ZNF462: variants seen among roughly 807,000 people sequenced by gnomAD.
ZNF462 encodes the protein zinc finger protein 462.
In ZNF462, 10 loss-of-function variants were observed where a neutral mutation model predicts 201.9. The ratio of observed to expected loss-of-function variants is 0.05; its 90% CI spans 0.03 to 0.08. The LOEUF (loss-of-function observed/expected upper bound fraction) is 0.08. ZNF462 is among the 10% of genes least tolerant of loss of function. The pLI is 1.00. For synonymous variants in ZNF462, 1,227 were observed against 1,193.3 expected, an observed-to-expected ratio of 1.03 and a Z score of -0.58; for missense variants, 2,523 against 3,168.3, an observed-to-expected ratio of 0.80 and a Z score of 4.89.
In ZNF462 at chr9:107,011,107, G is replaced by A. The variant is rs1829905911; in HGVS notation, c.*77G>A. ...GGGAGGGCTGGCTTGGGCTGAGAAGGGAGGGACAGAAAAGAGAAGACAGAA... is the reference window on the plus strand; with the variant it reads ...GGGAGGGCTGGCTTGGGCTGAGAAGAGAGGGACAGAAAAGAGAAGACAGAA... On this transcript the variant is annotated 3_prime_UTR_variant, in exon 13 of 13. Coordinates refer to ENST00000277225, the MANE Select transcript of ZNF462 (RefSeq NM_021224.6). The surrounding 1 kb of genome is among the most constrained non-coding windows in gnomAD (Gnocchi z 5.6). The A allele has an allele frequency of 1.4e-6, 2 of 1,452,222 alleles. No individual in the cohort carries two copies. Among genetic ancestry groups the A allele is most frequent in the Admixed American group, 1.8e-5 (1 of 56,186 alleles). The allele number at this position is 1,452,222 out of a possible 1,614,324, so 90.0% of individuals were successfully genotyped here. A position where few individuals can be genotyped will look rare whatever the true frequency, so the allele number is the denominator to read the frequency against.
chr9:106,924,867 A>C lies in ZNF462; in HGVS notation c.955A>C (p.Asn319His). The C allele has an allele frequency of 1.2e-6, 2 of 1,614,198 alleles. No individual in the cohort carries two copies. The highest frequency in any genetic ancestry group is 1.7e-6 in the Non-Finnish European group (2 of 1,180,028). The change falls in exon 3 of 13, where the codon AAC (asparagine) becomes CAC (histidine). Residue 319 changes from asparagine (N) to histidine (H), a missense_variant. Coordinates refer to ENST00000277225, the MANE Select transcript of ZNF462 (RefSeq NM_021224.6). The surrounding 1 kb of genome is among the most constrained non-coding windows in gnomAD (Gnocchi z 6.2). ...SREIPNTTVS[N>H]FRGSMGNSIM... ...GGAGATACCCAATACTACCGTCTCC[A>C]ACTTCAGGGGCTCCATGGGCAACTC... is the stretch of plus-strand genomic sequence containing the variant.
At position 106,989,613 on chromosome 9, in the gene ZNF462, C is replaced by T. The variant is rs536197782; in HGVS notation, c.7056+5204C>T. On this transcript the variant is annotated intron_variant, in intron 10 of 12. Transcript: ENST00000277225. ...TTGTGGGATAGTGTCAAAAGTAATG[C>T]TACCAATCCTTTGAGTACCAATTCT... Among the ~76,000 whole-genome samples, 3 of 152,002 alleles carry T rather than the reference C, an allele frequency of 2.0e-5. No individual in the cohort carries two copies. The East Asian group carries it at 5.8e-4, about 29-fold the overall frequency.
chr9:107,009,290 A>T lies in ZNF462; in HGVS notation c.7190-255A>T. On this transcript the variant is annotated intron_variant, in intron 11 of 12. Transcript: ENST00000277225. This position sits in a 1 kb window ranked among gnomAD's most constrained non-coding sequence, Gnocchi z 6.1. Reference sequence around the variant, plus strand: ...GCGGCTCTTCAGTCAAGAAAGACCCAGATTTTGTGATAGAAGCATTGGGGA... The same window carrying T: ...GCGGCTCTTCAGTCAAGAAAGACCCTGATTTTGTGATAGAAGCATTGGGGA... 2.2e-6 allele frequency: 1 copy of T among 448,286 alleles called. No homozygotes were observed. The highest frequency in any genetic ancestry group is 4.0e-6 in the Non-Finnish European group (1 of 252,334). The allele number at this position is 448,286 out of a possible 1,614,324, so 27.8% of individuals were successfully genotyped here.
rs1826695513 is a variant in ZNF462 at position 106,972,777 on chromosome 9, C to CT, written c.6695+505_6695+506insT. On this transcript the variant is annotated intron_variant, in intron 8 of 12. Transcript: ENST00000277225. The surrounding 1 kb of genome is among the most constrained non-coding windows in gnomAD (Gnocchi z 4.8). ...ACTTCCAACACTACACTTGAGCAAT[C>CT]ATAGGGAGATTGCTCCAGTCTAGAA... is the stretch of plus-strand genomic sequence containing the variant. Among the ~76,000 whole-genome samples the CT allele has an allele frequency of 6.6e-6, 1 of 152,148 alleles. No individual in the cohort carries two copies. Among genetic ancestry groups the CT allele is most frequent in the Non-Finnish European group, 1.5e-5 (1 of 68,034 alleles).
Position 106,930,567 on chromosome 9 carries a change from A to G in ZNF462, c.5890A>G (p.Lys1964Glu). Residue 1964 changes from lysine to glutamate, a missense_variant, in exon 4 of 13, where the codon AAA becomes GAA. Coordinates refer to ENST00000277225, the MANE Select transcript of ZNF462 (RefSeq NM_021224.6). This position sits in a 1 kb window ranked among gnomAD's most constrained non-coding sequence, Gnocchi z 5.8. ...LEEVPKIKER[K>E]VVGYKCKFCV... ...AGAGGTGCCAAAGATCAAGGAGAGG[A>G]AAGTGGTGGGCTACAAATGTAAATT... 6.2e-7 allele frequency: 1 copy of G among 1,614,098 alleles called. No individual in the cohort carries two copies. Among genetic ancestry groups the G allele is most frequent in the Non-Finnish European group, 8.5e-7 (1 of 1,180,016 alleles).
intron 1 of ZNF462, among the ~76,000 whole-genome samples, chr9:106,887,158 T>G (rs1828356396): frequency 6.6e-6 from 1 of 152,254 alleles, no homozygotes; most frequent in Admixed American, 6.5e-5. Context: ...TGAGTAGCAG[T>G]TTGAACGAAT....
In ZNF462 at chr9:106,974,486, G is replaced by C. The variant is rs1230447264; in HGVS notation, c.6832+213G>C. 1 of 671,564 alleles carries C rather than the reference G, an allele frequency of 1.5e-6. No homozygotes were observed. Among genetic ancestry groups the C allele is most frequent in the Middle Eastern group, 4.2e-4 (1 of 2,394 alleles). The allele number at this position is 671,564 out of a possible 1,614,324, so 41.6% of individuals were successfully genotyped here. On this transcript the variant is annotated intron_variant, in intron 9 of 12. Coordinates refer to ENST00000277225, the MANE Select transcript of ZNF462 (RefSeq NM_021224.6). This position sits in a 1 kb window ranked among gnomAD's most constrained non-coding sequence, Gnocchi z 4.0. ...TTTCCTCCACCTGGAGGGAGGCAAA[G>C]GTGATGGATTCTGCAGTGAACATTT...
Position 107,009,729 on chromosome 9 carries a change from G to T in ZNF462, c.7313+61G>T. 2 of 1,497,680 alleles carry T rather than the reference G, an allele frequency of 1.3e-6. No individual in the cohort carries two copies. Among genetic ancestry groups the T allele is most frequent in the East Asian group, 2.3e-5 (1 of 43,230 alleles). 92.8% of individuals were successfully genotyped at this position (1,497,680 alleles called of 1,614,324 possible). A position where few individuals can be genotyped will look rare whatever the true frequency, so the allele number is the denominator to read the frequency against. On this transcript the variant is annotated intron_variant, in intron 12 of 12. Coordinates refer to ENST00000277225, the MANE Select transcript of ZNF462 (RefSeq NM_021224.6). This position sits in a 1 kb window ranked among gnomAD's most constrained non-coding sequence, Gnocchi z 6.1. ...AGCAAGAGGTAGGGAGGGAGGGAGG[G>T]GCTCTTGTTTTGGTTCCCCTGACAG...
Position 106,938,897 on chromosome 9 carries a change from T to C in ZNF462, c.6236-19T>C. 6.3e-7 allele frequency: 1 copy of C among 1,585,544 alleles called. No homozygotes were observed. The highest frequency in any genetic ancestry group is 8.6e-7 in the Non-Finnish European group (1 of 1,165,412). On this transcript the variant is annotated intron_variant, in intron 6 of 12. Transcript: ENST00000277225. The surrounding 1 kb of genome is among the most constrained non-coding windows in gnomAD (Gnocchi z 4.4). ...CCCCTCTTTTTCCTGTTCTATTTCT[T>C]GTCACCATCCTCTTCCAGGTGAGCA...
chr9:107,001,804 T>C (rs559426018), intron 10 of ZNF462, among the ~76,000 whole-genome samples: 24 of 152,250 alleles, frequency 1.6e-4, no homozygotes, highest in African/African-American at 5.8e-4. Flanking sequence ...GCGTTGGCAT[T>C]GTTGTCTGCG....
rs1827822284 is a variant in ZNF462, at chr9:106,876,131, GCTGAA to G, written c.-31+12777_-31+12781del. On this transcript the variant is annotated intron_variant, in intron 1 of 12. Transcript: ENST00000277225. This position sits in a 1 kb window ranked among gnomAD's most constrained non-coding sequence, Gnocchi z 4.9. ...ACTCTTTGGGGCCACACAAGCTGAG[GCTGAA>G]ATTTGTCTCTGTCCATTACTAGCTG... 6.6e-6 allele frequency among the ~76,000 whole-genome samples: 1 copy of G among 152,178 alleles called. No individual in the cohort carries two copies. The highest frequency in any genetic ancestry group is 2.1e-4 in the South Asian group (1 of 4,834).
intron 1 of ZNF462, among the ~76,000 whole-genome samples, chr9:106,911,499 C>T (rs1027230880): frequency 1.3e-5 from 2 of 152,162 alleles, no homozygotes; most frequent in Non-Finnish European, 2.9e-5. Context: ...ATTACTGGAC[C>T]TCAACACCAG....
Position 106,938,825 on chromosome 9 carries a change from T to G in ZNF462, c.6236-91T>G. The G allele has an allele frequency of 5.3e-6, 7 of 1,320,748 alleles. No homozygotes were observed. The highest frequency in any genetic ancestry group is 7.2e-6 in the Non-Finnish European group (7 of 969,480). The allele number at this position is 1,320,748 out of a possible 1,614,324, so 81.8% of individuals were successfully genotyped here. On this transcript the variant is annotated intron_variant, in intron 6 of 12. Coordinates refer to ENST00000277225, the MANE Select transcript of ZNF462 (RefSeq NM_021224.6). This position sits in a 1 kb window ranked among gnomAD's most constrained non-coding sequence, Gnocchi z 4.4. ...AAGCTTGAGATGCGCTTCTCTAGCA[T>G]GAGTTAACTGAGTTATCTTGTTTCC...
intron 1 of ZNF462, among the ~76,000 whole-genome samples, chr9:106,906,606 G>GA (rs1162162996): frequency 3.3e-5 from 5 of 152,014 alleles, no homozygotes. Flanking sequence ...AGACAGGGTG[G>GA]AAAAAAAGAA....
chr9:106,941,776 C>A (rs1367901849), intron 7 of ZNF462, among the ~76,000 whole-genome samples: 4 of 152,194 alleles, frequency 2.6e-5, no homozygotes, highest in Non-Finnish European at 1.5e-5. Context: ...TTTCTTGAAT[C>A]CTTACTATAG....
Position 106,865,053 on chromosome 9 carries a change from C to T in ZNF462, c.-31+1698C>T, listed in dbSNP as rs1827271861. Among the ~76,000 whole-genome samples the T allele has an allele frequency of 6.6e-6, 1 of 152,140 alleles. No homozygotes were observed. Among genetic ancestry groups the T allele is most frequent in the Non-Finnish European group, 1.5e-5 (1 of 68,018 alleles). On this transcript the variant is annotated intron_variant, in intron 1 of 12. Coordinates refer to ENST00000277225, the MANE Select transcript of ZNF462 (RefSeq NM_021224.6). The surrounding 1 kb of genome is among the most constrained non-coding windows in gnomAD (Gnocchi z 4.1). The stretch of plus-strand genomic sequence containing the variant: ...AGGCTTGCTTGCCTACTCCTTCTCT[C>T]TTTCCAGAGGGAAACCTTGTGGTGG...
At chr9:106,896,688 G>C (rs944677654) in intron 1 of ZNF462, among the ~76,000 whole-genome samples, 2 of 152,178 alleles carry the variant, frequency 1.3e-5, no homozygotes, top group African/African-American at 4.8e-5. Flanking sequence ...AGATCAGTGA[G>C]GTCGACTGAT....
Position 106,913,559 on chromosome 9 carries a change from G to A in ZNF462, c.-30-9795G>A, listed in dbSNP as rs1829639274. Among the ~76,000 whole-genome samples, 1 of 151,858 alleles carries A rather than the reference G, an allele frequency of 6.6e-6. No homozygotes were observed. Among genetic ancestry groups the A allele is most frequent in the Non-Finnish European group, 1.5e-5 (1 of 67,982 alleles). On this transcript the variant is annotated intron_variant, in intron 1 of 12. Coordinates refer to ENST00000277225, the MANE Select transcript of ZNF462 (RefSeq NM_021224.6). The surrounding 1 kb of genome is among the most constrained non-coding windows in gnomAD (Gnocchi z 4.1). The stretch of plus-strand genomic sequence containing the variant: ...CATTGGAGAGGAGAACATATGCATT[G>A]TTTTTCACAGAAATTTTAGTCAGAG...
At chr9:106,975,253 G>A (rs1473490269) in intron 9 of ZNF462, 2 of 151,314 alleles carry the variant, frequency 1.3e-5, no homozygotes, top group Non-Finnish European at 2.9e-5. Flanking sequence ...TCATTCCTTC[G>A]CCTCTGACCT....
Sources: allele counts gnomAD v4.1 joint callset (sites outside exome capture counted in the v4.1 genomes callset), GRCh38; gene constraint gnomAD v4.1.1; non-coding constraint Gnocchi (gnomAD v3.1); transcripts MANE v1.5; gene names NCBI Gene and HGNC (gene_info 2026-07-23, HGNC 2026-07-21).